The following CNTNAP2 variants were observed in gnomAD, a reference collection of about 807,000 sequenced individuals.
The protein encoded by CNTNAP2 is contactin associated protein 2, also known as contactin-associated protein-like 2.
Under a neutral mutation model 155.2 loss-of-function variants are expected in CNTNAP2, and 98 were observed. That is an observed-to-expected ratio of 0.63 (90% CI 0.54 to 0.75). The LOEUF is 0.75. Among genes scored for constraint, CNTNAP2 ranks in the 30% least tolerant of loss-of-function variants. The pLI is 0.00. For missense variants in CNTNAP2, 1,727 were observed against 1,688.1 expected (o/e 1.02, Z -0.40); for synonymous variants, 651 against 631.2 (o/e 1.03, Z -0.47).
chr7:147,465,611 C>T (rs762833619), intron 10 of CNTNAP2, among the ~76,000 whole-genome samples: 4 of 152,198 alleles, frequency 2.6e-5, no homozygotes, highest in Non-Finnish European at 5.9e-5. Flanking sequence ...AAATGTATCA[C>T]CAATATTTCA....
chr7:147,159,434 A>G (rs963441548), intron 8 of CNTNAP2, among the ~76,000 whole-genome samples: 1 of 152,092 alleles, frequency 6.6e-6, no homozygotes, highest in African/African-American at 2.4e-5. Flanking sequence ...ATGTATTTGG[A>G]AAGTCAGATA....
At chr7:147,930,807 T>C (rs371825484) in intron 14 of CNTNAP2, among the ~76,000 whole-genome samples, 2 of 152,228 alleles carry the variant, frequency 1.3e-5, no homozygotes, top group African/African-American at 4.8e-5. Flanking sequence ...ACAAAACAAG[T>C]TTCAATAAAC....
chr7:147,378,119 C>T (rs1344547314), intron 9 of CNTNAP2: 1 of 441,672 alleles, frequency 2.3e-6, no homozygotes, highest in East Asian at 7.1e-5. Context: ...TACGTTAGAA[C>T]TCATTTTTAT....
chr7:146,779,673 T>C (rs2129186854), intron 2 of CNTNAP2, among the ~76,000 whole-genome samples: 1 of 152,334 alleles, frequency 6.6e-6, no homozygotes, highest in Admixed American at 6.5e-5. Context: ...TGTCTAAGAA[T>C]CTTGTTTGTT....
At chr7:147,536,299 G>A (rs1799536422) in intron 11 of CNTNAP2, among the ~76,000 whole-genome samples, 1 of 152,168 alleles carries the variant, frequency 6.6e-6, no homozygotes, top group Admixed American at 6.5e-5. Context: ...CACGCACAGG[G>A]TGCTGCGAAT....
intron 1 of CNTNAP2, among the ~76,000 whole-genome samples, chr7:146,747,909 T>C (rs192020853): frequency 4.3e-4 from 65 of 152,278 alleles, no homozygotes; most frequent in South Asian, 2.7e-3. Context: ...TTATAATATC[T>C]ATCCAATATG....
chr7:146,218,297 C>T (rs1249560306), intron 1 of CNTNAP2, among the ~76,000 whole-genome samples: 1 of 152,154 alleles, frequency 6.6e-6, no homozygotes, highest in Non-Finnish European at 1.5e-5. Context: ...ATCACGAGGT[C>T]AGGAGATGGA....
chr7:148,066,097 G>A (rs531511087), intron 15 of CNTNAP2, among the ~76,000 whole-genome samples: 69 of 152,250 alleles, frequency 4.5e-4, no homozygotes, highest in African/African-American at 1.6e-3. Flanking sequence ...GTTTAAGGAG[G>A]CTAAAGATAG....
At chr7:146,499,632 C>T (rs1797271221) in intron 1 of CNTNAP2, among the ~76,000 whole-genome samples, 1 of 152,060 alleles carries the variant, frequency 6.6e-6, no homozygotes. Flanking sequence ...TGATCTTCCC[C>T]TCCCTGTGCC....
chr7:147,062,127 CAAAAAAAAAAAAAAAAAAAAAAAAA>C (rs869125044), intron 4 of CNTNAP2, among the ~76,000 whole-genome samples: 637 of 44,940 alleles, frequency 0.014, 9 homozygotes, highest in African/African-American at 0.057. Context: ...GACTCCGTCT[CAAAAAAAAAAAAAAAAAAAAAAAAA>C]AAAAAAAAAA....
chr7:146,856,968 G>A (rs1187513466), intron 3 of CNTNAP2, among the ~76,000 whole-genome samples: 1 of 152,036 alleles, frequency 6.6e-6, no homozygotes, highest in Non-Finnish European at 1.5e-5. Context: ...ATCCTGTCTT[G>A]GATAAGAAAA....
intron 13 of CNTNAP2, among the ~76,000 whole-genome samples, chr7:147,720,982 A>G (rs1318662090): frequency 6.6e-6 from 1 of 152,078 alleles, no homozygotes; most frequent in Non-Finnish European, 1.5e-5. Flanking sequence ...ATCAATTCCC[A>G]AATATGTTGA....
intron 3 of CNTNAP2, among the ~76,000 whole-genome samples, chr7:146,982,071 A>G (rs1298171617): frequency 6.6e-6 from 1 of 152,172 alleles, no homozygotes; most frequent in East Asian, 1.9e-4. Flanking sequence ...ATATAACATT[A>G]TTCTTTCTTT....
intron 12 of CNTNAP2, among the ~76,000 whole-genome samples, chr7:147,572,651 C>G (rs1433078465): frequency 6.6e-6 from 1 of 151,872 alleles, no homozygotes; most frequent in East Asian, 1.9e-4. Flanking sequence ...CACTTGGAAT[C>G]TGAAACTCTT....
intron 13 of CNTNAP2, among the ~76,000 whole-genome samples, chr7:147,646,275 C>T (rs754453892): frequency 6.6e-5 from 10 of 152,110 alleles, no homozygotes; most frequent in Admixed American, 3.9e-4. Context: ...TAAGGCTTAC[C>T]TTGTTTATTA....
rs1796641136 is a variant in CNTNAP2 at position 146,927,948 on chromosome 7, TATA to T, written c.402+88047_402+88049del. ...TACAGTGTATATATAGAGAAAGTTA[TATA>T]ATGTGTGTGTATATATATATATATA... On this transcript the variant is annotated intron_variant, in intron 3 of 23. Transcript: ENST00000361727. Among the ~76,000 whole-genome samples, 3 of 141,074 alleles carry T rather than the reference TATA, an allele frequency of 2.1e-5. No homozygotes were observed. In the Admixed American group the frequency reaches 2.2e-4, roughly 10 times the overall value. The allele number at this position is 141,074 out of a possible 152,430, so 92.6% of individuals were successfully genotyped here. A position where few individuals can be genotyped will look rare whatever the true frequency, so the allele number is the denominator to read the frequency against.
chr7:148,076,732 C>A (rs182389071), intron 15 of CNTNAP2, among the ~76,000 whole-genome samples: 1 of 151,828 alleles, frequency 6.6e-6, no homozygotes, highest in South Asian at 2.1e-4. Context: ...TGTGAGCCAC[C>A]GTGCCCGGCC....
intron 13 of CNTNAP2, among the ~76,000 whole-genome samples, chr7:147,762,725 G>A (rs553740251): frequency 9.3e-5 from 14 of 150,098 alleles, no homozygotes; most frequent in Non-Finnish European, 1.9e-4. Context: ...TGTATAAGTG[G>A]GGGGAGGGAG....
intron 1 of CNTNAP2, among the ~76,000 whole-genome samples, chr7:146,674,065 C>G (rs1494459): frequency 0.81 from 123,092 of 152,168 alleles, 50,394 homozygotes; most frequent in South Asian, 0.91. Context: ...GTCACCAAAT[C>G]GTAGTTGTTT....
Sources: gnomAD v4.1 joint callset for allele counts (sites outside exome capture counted in the v4.1 genomes callset) on GRCh38, gnomAD v4.1.1 for gene constraint, MANE v1.5 for transcripts, NCBI Gene and HGNC (gene_info 2026-07-23, HGNC 2026-07-21) for gene names.